IQCE: variants seen among roughly 807,000 people sequenced by gnomAD.
IQCE encodes the protein IQ domain-containing protein E.
In IQCE, 115 loss-of-function variants were observed where a neutral mutation model predicts 96.0. That is an observed-to-expected ratio of 1.20 (90% CI 1.03 to 1.40). IQCE has a LOEUF of 1.40. Among genes scored for constraint, IQCE ranks in the 40% most tolerant of loss-of-function variants. IQCE has a pLI of 0.00. For missense variants in IQCE, 1,041 were observed against 909.1 expected (o/e 1.15, Z -1.87); for synonymous variants, 412 against 371.2 (o/e 1.11, Z -1.26).
At chr7:2,573,693 C>T (rs935053296) in intron 6 of IQCE, among the ~76,000 whole-genome samples, 20 of 152,140 alleles carry the variant, frequency 1.3e-4, no homozygotes, top group Non-Finnish European at 4.4e-5. Context: ...TAAAAGGCAG[C>T]AGAGCTCATG....
intron 8 of IQCE, among the ~76,000 whole-genome samples, chr7:2,579,231 A>C (rs1782460875): frequency 6.6e-6 from 1 of 152,056 alleles, no homozygotes; most frequent in South Asian, 2.1e-4. Flanking sequence ...GGCACAGTAC[A>C]CCTCCTAGCA....
At chr7:2,563,570 A>G (rs914947195) in intron 1 of IQCE, among the ~76,000 whole-genome samples, 3 of 152,074 alleles carry the variant, frequency 2.0e-5, no homozygotes, top group African/African-American at 7.2e-5. Context: ...TTTAAAATAT[A>G]GACATTTACA....
chr7:2,594,401 G>A (rs1783856162), intron 15 of IQCE, among the ~76,000 whole-genome samples: 1 of 152,202 alleles, frequency 6.6e-6, no homozygotes, highest in Non-Finnish European at 1.5e-5. Flanking sequence ...TACCTGGAAT[G>A]AATATCTAAA....
chr7:2,579,099 G>A (rs1385296379), intron 8 of IQCE, among the ~76,000 whole-genome samples: 2 of 151,416 alleles, frequency 1.3e-5, no homozygotes, highest in African/African-American at 2.4e-5. Context: ...CAGCAATAAC[G>A]TCCTTCAGAT....
At chr7:2,578,081 G>C (rs536008336) in intron 6 of IQCE, among the ~76,000 whole-genome samples, 161 bp from the exon 7 acceptor site, 2 of 149,382 alleles carry the variant, frequency 1.3e-5, no homozygotes, top group South Asian at 2.1e-4. Flanking sequence ...GCGGGGACGT[G>C]TGTGCGGCGT....
At chr7:2,581,834 C>A (rs1031574054) in intron 8 of IQCE, among the ~76,000 whole-genome samples, 5 of 151,900 alleles carry the variant, frequency 3.3e-5, no homozygotes, top group African/African-American at 1.2e-4. Flanking sequence ...CTCAGCCTCC[C>A]GAGTAGCTGG....
At chr7:2,573,388 C>T (rs1781896392) in intron 5 of IQCE, 30 bp from the exon 6 acceptor site, 2 of 1,079,926 alleles carry the variant, frequency 1.9e-6, no homozygotes, top group South Asian at 1.3e-5. Context: ...TGTAGATAGT[C>T]TTTGAAACGA....
intron 16 of IQCE, among the ~76,000 whole-genome samples, chr7:2,597,331 A>G (rs1784118211): frequency 6.6e-6 from 1 of 152,246 alleles, no homozygotes. Flanking sequence ...CTCGCATAGG[A>G]TGGCCGTGCC....
chr7:2,582,640 GGCACCATCAGGTGGGCGCAGGGCT>G lies in IQCE; in HGVS notation c.697_701+19del, dbSNP rs1279395119. On this transcript the variant is annotated splice_donor_variant and splice_donor_5th_base_variant and coding_sequence_variant and intron_variant, in exon 9 of 22. Transcript: ENST00000402050. LOFTEE classifies it high-confidence loss of function. ...GGAACAGCAGTGCAAGGAGAAGGAC[GGCACCATCAGGTGGGCGCAGGGCT>G]GCACCCTCTCCCCTGCCTTCCGCCC... 2.5e-6 allele frequency: 4 copies of G among 1,613,700 alleles called. No individual in the cohort carries two copies. Among genetic ancestry groups the G allele is most frequent in the Non-Finnish European group, 2.5e-6 (3 of 1,179,858 alleles).
At chr7:2,607,884 T>C (rs1583527290) in intron 21 of IQCE, among the ~76,000 whole-genome samples, 3 of 152,206 alleles carry the variant, frequency 2.0e-5, no homozygotes, top group Admixed American at 6.5e-5. Context: ...GACTCGGGAC[T>C]GTCGGGAGAT....
rs1236226111 is a variant in IQCE at position 2,571,559 on chromosome 7, C to T, written c.164C>T (p.Ala55Val). 1.2e-6 allele frequency: 2 copies of T among 1,605,842 alleles called. 1 individual carries two copies. The highest frequency in any genetic ancestry group is 1.7e-6 in the Non-Finnish European group (2 of 1,179,972). The change falls in exon 4 of 22, where the codon GCC (alanine) becomes GTC (valine). Residue 55 changes from alanine (A) to valine (V), a missense_variant. By Grantham distance (64) the Ala-to-Val change is moderately conservative. Transcript: ENST00000402050. Reference sequence around the variant, plus strand: ...TATCTCTCTAAGCCGAGAAAAGTGGCCTCCTGGAGGTCCCTCAGGACGGCA... The same window carrying T: ...TATCTCTCTAAGCCGAGAAAAGTGGTCTCCTGGAGGTCCCTCAGGACGGCA... ...SPYLSKPRKV[A>V]SWRSLRTAGS...
chr7:2,593,961 C>G (rs1783815911), intron 15 of IQCE, among the ~76,000 whole-genome samples: 1 of 152,192 alleles, frequency 6.6e-6, no homozygotes, highest in Admixed American at 6.5e-5. Context: ...ACATAGACTA[C>G]CGGAATGAAG....
rs1475945461 is a variant in IQCE at position 2,613,863 on chromosome 7, C to T, written c.*3701C>T. ...AGAAGACCACCAAGACCACCGTTCC[C>T]GCAGGCCTGGGGTGAGTGACCTGAC... On this transcript the variant is annotated 3_prime_UTR_variant, in exon 22 of 22. Coordinates refer to ENST00000402050, the MANE Select transcript of IQCE (RefSeq NM_152558.5). 7 of 152,206 alleles carry T rather than the reference C, an allele frequency of 4.6e-5. No homozygotes were observed. The highest frequency in any genetic ancestry group is 1.9e-4 in the East Asian group (1 of 5,182). 9.4% of individuals were successfully genotyped at this position (152,206 alleles called of 1,614,324 possible).
chr7:2,609,531 C>T (rs1785017779), intron 21 of IQCE, among the ~76,000 whole-genome samples: 1 of 152,154 alleles, frequency 6.6e-6, no homozygotes. Context: ...GGAATGACTC[C>T]AGTGTGGACT....
At chr7:2,565,252 CATGCGTGT>C (rs1781287936) in intron 1 of IQCE, among the ~76,000 whole-genome samples, 1 of 142,974 alleles carries the variant, frequency 7.0e-6, no homozygotes, top group East Asian at 2.0e-4. Flanking sequence ...TGTGTGTGTG[CATGCGTGT>C]GTGTGTGTGC....
intron 2 of IQCE, among the ~76,000 whole-genome samples, chr7:2,568,034 G>A (rs577194338): frequency 3.3e-5 from 5 of 152,278 alleles, no homozygotes; most frequent in Non-Finnish European, 5.9e-5. Context: ...TTATCTGCTC[G>A]GTCTAGTGCA....
chr7:2,565,498 A>C (rs1781307523), intron 1 of IQCE, among the ~76,000 whole-genome samples: 1 of 152,194 alleles, frequency 6.6e-6, no homozygotes, highest in South Asian at 2.1e-4. Flanking sequence ...TCATTCAAAA[A>C]GTCTTCAAGA....
chr7:2,606,645 G>C (rs569772262), intron 20 of IQCE, among the ~76,000 whole-genome samples: 2 of 152,108 alleles, frequency 1.3e-5, no homozygotes, highest in African/African-American at 4.8e-5. Flanking sequence ...CAGCACTTCC[G>C]AGTGGGCAGT....
chr7:2,588,282 C>T (rs1248681266), intron 13 of IQCE, among the ~76,000 whole-genome samples: 1 of 152,202 alleles, frequency 6.6e-6, no homozygotes, highest in Non-Finnish European at 1.5e-5. Flanking sequence ...CCCCACATCC[C>T]CTATGCGACT....
Sources: allele counts gnomAD v4.1 joint callset (sites outside exome capture counted in the v4.1 genomes callset), GRCh38; gene constraint gnomAD v4.1.1; transcripts MANE v1.5; gene names NCBI Gene and HGNC (gene_info 2026-07-23, HGNC 2026-07-21).